The following FAM114A1 variants were observed in gnomAD, a reference collection of about 807,000 sequenced individuals.
FAM114A1 encodes family with sequence similarity 114 member A1.
Under a neutral mutation model 64.3 loss-of-function variants are expected in FAM114A1, and 62 were observed. The observed-to-expected ratio is 0.96, with a 90% CI of 0.79 to 1.19. The LOEUF (loss-of-function observed/expected upper bound fraction) is 1.19. Ranked by LOEUF, FAM114A1 falls within the 50% of genes most tolerant of loss-of-function variation. The pLI is 0.00. For missense variants in FAM114A1, 645 were observed against 676.3 expected (o/e 0.95, Z 0.51); for synonymous variants, 254 against 251.1 (o/e 1.01, Z -0.11).
Position 38,919,364 on chromosome 4 carries a change from C to T in FAM114A1, c.946-3406C>T, listed in dbSNP as rs1719365301. Among the ~76,000 whole-genome samples the T allele has an allele frequency of 2.6e-5, 4 of 152,260 alleles. No individual in the cohort carries two copies. The South Asian group carries it at 6.2e-4, about 24-fold the overall frequency. Reference sequence around the variant, plus strand: ...CAGCTCTATCTCTCACCCCAGGGAACGTTATGTGGCTGTGGGAGGATGCCC... The same window carrying T: ...CAGCTCTATCTCTCACCCCAGGGAATGTTATGTGGCTGTGGGAGGATGCCC... On this transcript the variant is annotated intron_variant, in intron 8 of 14. Coordinates refer to ENST00000358869, the MANE Select transcript of FAM114A1 (RefSeq NM_138389.4).
In FAM114A1 at chr4:38,884,180, G is replaced by A. The variant is rs111934584; in HGVS notation, c.348+5754G>A. 2.8e-4 allele frequency among the ~76,000 whole-genome samples: 43 copies of A among 152,288 alleles called. No individual in the cohort carries two copies. The East Asian group carries it at 8.1e-3, about 29-fold the overall frequency. On this transcript the variant is annotated intron_variant, in intron 3 of 14. Coordinates refer to ENST00000358869, the MANE Select transcript of FAM114A1 (RefSeq NM_138389.4). ...GGTTTTTGGTTTTTGGTAGAGACGG[G>A]GTCTCCCTGTGTTGCCCAGGCAGGT...
intron 2 of FAM114A1, among the ~76,000 whole-genome samples, chr4:38,877,636 G>T (rs1330589029): frequency 6.6e-6 from 1 of 151,942 alleles, no homozygotes; most frequent in East Asian, 1.9e-4. Context: ...GCAGGGTTGG[G>T]GACCCACAAG....
chr4:38,943,401 T>C (rs1378884124), intron 14 of FAM114A1, 55 bp from the exon 15 acceptor site: 1 of 1,435,272 alleles, frequency 7.0e-7, no homozygotes, highest in African/African-American at 1.4e-5. Flanking sequence ...TTGGAAGTAT[T>C]GTCAAGGTTG....
At chr4:38,926,344 C>G (rs1006833579) in intron 9 of FAM114A1, among the ~76,000 whole-genome samples, 9 of 152,208 alleles carry the variant, frequency 5.9e-5, no homozygotes, top group African/African-American at 2.2e-4. Flanking sequence ...TGCCCAGCCC[C>G]TCTCACTGTC....
intron 4 of FAM114A1, among the ~76,000 whole-genome samples, chr4:38,893,426 A>G (rs574968251): frequency 1.1e-4 from 17 of 152,380 alleles, no homozygotes; most frequent in South Asian, 6.2e-4. Flanking sequence ...ACTCTGGTTT[A>G]TAATGAATTG....
Position 38,871,993 on chromosome 4 carries a change from A to G in FAM114A1, c.-9+3447A>G, listed in dbSNP as rs562832620. The stretch of plus-strand genomic sequence containing the variant: ...TAAGTCAGCTGCTGGATTCAGTGCA[A>G]TCTCATGTCTTGGGTATAGAAGCAG... On this transcript the variant is annotated intron_variant, in intron 2 of 14. Coordinates refer to ENST00000358869, the MANE Select transcript of FAM114A1 (RefSeq NM_138389.4). 1.1e-4 allele frequency among the ~76,000 whole-genome samples: 16 copies of G among 152,284 alleles called. No homozygotes were observed. The East Asian group carries it at 2.5e-3, about 24-fold the overall frequency.
At chr4:38,932,452 A>C in intron 12 of FAM114A1, 78 bp downstream of exon 12, 2 of 1,352,352 alleles carry the variant, frequency 1.5e-6, no homozygotes, top group Non-Finnish European at 2.0e-6. Flanking sequence ...ATACACACCC[A>C]CACCCTCTAA....
chr4:38,925,372 C>T (rs1249249664), intron 9 of FAM114A1, among the ~76,000 whole-genome samples: 1 of 152,018 alleles, frequency 6.6e-6, no homozygotes, highest in Admixed American at 6.6e-5. Flanking sequence ...GTGTCACAAC[C>T]CCAGAAAGGT....
intron 3 of FAM114A1, among the ~76,000 whole-genome samples, chr4:38,882,084 G>A (rs541067968): frequency 4.6e-5 from 7 of 151,376 alleles, no homozygotes; most frequent in Admixed American, 6.6e-5. Context: ...AGGCCGAGGC[G>A]GGTGGATCAT....
chr4:38,928,239 A>G (rs1310995459), intron 9 of FAM114A1, among the ~76,000 whole-genome samples: 1 of 152,140 alleles, frequency 6.6e-6, no homozygotes, highest in African/African-American at 2.4e-5. Context: ...AAGCCACAGT[A>G]TTTTCTTCTT....
intron 2 of FAM114A1, among the ~76,000 whole-genome samples, chr4:38,876,564 G>A (rs376400614): frequency 1.8e-4 from 28 of 152,300 alleles, no homozygotes; most frequent in Admixed American, 8.5e-4. Context: ...AGTTCCCATA[G>A]GCGTAGTCTT....
intron 3 of FAM114A1, among the ~76,000 whole-genome samples, chr4:38,881,725 A>G (rs981023799): frequency 1.3e-5 from 2 of 152,192 alleles, no homozygotes; most frequent in Non-Finnish European, 2.9e-5. Flanking sequence ...AGTCAATTTT[A>G]TGCCTAGTCT....
Position 38,935,804 on chromosome 4 carries a change from C to A in FAM114A1, c.1536+14C>A. 1 of 1,585,554 alleles carries A rather than the reference C, an allele frequency of 6.3e-7. No individual in the cohort carries two copies. The highest frequency in any genetic ancestry group is 2.2e-5 in the East Asian group (1 of 44,672). ...ACCACTGTTGGGGTAAGATTACAGT[C>A]TTGAATTTTTTTCACCTTTTTTAAG... On this transcript the variant is annotated intron_variant, in intron 13 of 14. Transcript: ENST00000358869.
chr4:38,873,694 T>C (rs73236653), intron 2 of FAM114A1, among the ~76,000 whole-genome samples: 41,758 of 152,114 alleles, frequency 0.27, 6,110 homozygotes, highest in African/African-American at 0.31. Context: ...CATATGGAAC[T>C]AACAGCCCCC....
chr4:38,934,718 T>G (rs910509257), intron 12 of FAM114A1, among the ~76,000 whole-genome samples: 3 of 152,188 alleles, frequency 2.0e-5, no homozygotes, highest in African/African-American at 7.2e-5. Context: ...TCTTGCATTG[T>G]TTTCTTGGGA....
chr4:38,905,400 T>TAA (rs74272797), intron 4 of FAM114A1, 122 bp from the exon 5 acceptor site: 259 of 599,646 alleles, frequency 4.3e-4, no homozygotes, highest in East Asian at 6.9e-4. Flanking sequence ...CTCCATCTTT[T>TAA]AAAAAAAAAA....
At chr4:38,892,789 T>C (rs1327739798) in intron 4 of FAM114A1, among the ~76,000 whole-genome samples, 2 of 152,218 alleles carry the variant, frequency 1.3e-5, no homozygotes, top group African/African-American at 4.8e-5. Context: ...TCACTGTTAC[T>C]CCTAAAACCA....
intron 4 of FAM114A1, among the ~76,000 whole-genome samples, chr4:38,893,422 G>A (rs377579610): frequency 1.1e-4 from 16 of 152,350 alleles, no homozygotes; most frequent in African/African-American, 3.8e-4. Context: ...AACCACTCTG[G>A]TTTATAATGA....
chr4:38,898,042 A>C (rs748245379), intron 4 of FAM114A1, among the ~76,000 whole-genome samples: 1 of 152,200 alleles, frequency 6.6e-6, no homozygotes, highest in Admixed American at 6.5e-5. Context: ...AAAATGTATT[A>C]CTAGGCTAAG....
Sources: gnomAD v4.1 joint callset for allele counts (sites outside exome capture counted in the v4.1 genomes callset) on GRCh38, gnomAD v4.1.1 for gene constraint, MANE v1.5 for transcripts, NCBI Gene and HGNC (gene_info 2026-07-23, HGNC 2026-07-21) for gene names.